Variants in CTNND2 observed in about 807,000 individuals in gnomAD.
CTNND2 encodes the protein catenin delta-2.
A neutral mutation model predicts 144.4 loss-of-function variants in CTNND2; 22 were observed. The observed-to-expected ratio is 0.15, with a 90% CI of 0.11 to 0.22. The LOEUF (loss-of-function observed/expected upper bound fraction) is 0.22. Among genes scored for constraint, CTNND2 ranks in the 10% least tolerant of loss-of-function variants. The pLI is 1.00. For missense variants in CTNND2, 1,353 were observed against 1,618.8 expected (o/e 0.84, Z 2.82); for synonymous variants, 751 against 695.6 (o/e 1.08, Z -1.25).
intron 5 of CTNND2, among the ~76,000 whole-genome samples, chr5:11,401,677 A>C (rs992765211): frequency 6.6e-6 from 1 of 152,216 alleles, no homozygotes; most frequent in Non-Finnish European, 1.5e-5. Flanking sequence ...TTTTAATGAC[A>C]TCTAAGCGAG....
intron 10 of CTNND2, among the ~76,000 whole-genome samples, chr5:11,221,804 G>A (rs1035358763): frequency 3.3e-5 from 5 of 152,158 alleles, no homozygotes; most frequent in East Asian, 1.9e-4. Context: ...AGGCCTGAGC[G>A]TGCTGAGTCG....
intron 1 of CTNND2, among the ~76,000 whole-genome samples, chr5:11,847,646 G>A (rs185185778): frequency 3.0e-4 from 46 of 152,218 alleles, no homozygotes; most frequent in African/African-American, 9.9e-4. Flanking sequence ...TCACCATAAA[G>A]AAGTGATAAA....
intron 1 of CTNND2, among the ~76,000 whole-genome samples, chr5:11,761,617 C>T (rs1307344487): frequency 6.6e-6 from 1 of 151,922 alleles, no homozygotes; most frequent in Non-Finnish European, 1.5e-5. Flanking sequence ...AAATTTGTAT[C>T]ATAATATTTC....
intron 2 of CTNND2, chr5:11,588,693 T>C (rs1048695284): frequency 1.1e-6 from 1 of 924,472 alleles, no homozygotes; most frequent in Admixed American, 6.2e-5. Context: ...ATGAAAGCAT[T>C]GAAAAACCAA....
At chr5:11,495,327 G>T (rs1182932188) in intron 3 of CTNND2, among the ~76,000 whole-genome samples, 1 of 152,064 alleles carries the variant, frequency 6.6e-6, no homozygotes, top group Non-Finnish European at 1.5e-5. Context: ...CTCATCTTGA[G>T]GAATATTTAG....
At chr5:11,241,274 C>T (rs1742417898) in intron 9 of CTNND2, among the ~76,000 whole-genome samples, 1 of 152,214 alleles carries the variant, frequency 6.6e-6, no homozygotes, top group Admixed American at 6.5e-5. Flanking sequence ...CCAGTGGCTT[C>T]CCACTGCACT....
chr5:11,848,700 C>T (rs1026603099), intron 1 of CTNND2, among the ~76,000 whole-genome samples: 7 of 152,168 alleles, frequency 4.6e-5, no homozygotes, highest in African/African-American at 1.2e-4. Flanking sequence ...CAGAGCTTCT[C>T]GTAGAGAGCT....
chr5:11,490,575 A>C (rs1769292728), intron 3 of CTNND2, among the ~76,000 whole-genome samples: 1 of 152,290 alleles, frequency 6.6e-6, no homozygotes, highest in East Asian at 1.9e-4. Context: ...GCCTGACTAC[A>C]AATGTTGGCC....
intron 9 of CTNND2, among the ~76,000 whole-genome samples, chr5:11,304,067 C>T (rs1044995675): frequency 6.6e-6 from 1 of 152,150 alleles, no homozygotes; most frequent in African/African-American, 2.4e-5. Context: ...GCCTCCCCAG[C>T]CACGTGGAAC....
chr5:11,638,510 T>G (rs971329729), intron 2 of CTNND2, among the ~76,000 whole-genome samples: 9 of 152,178 alleles, frequency 5.9e-5, no homozygotes, highest in Admixed American at 4.6e-4. Context: ...AAATTCCCCT[T>G]AAATTAAAAA....
Position 11,159,740 on chromosome 5 carries a change from G to A in CTNND2, c.1995C>T (p.Ser665=). The change falls in exon 12 of 22, where the codon TCC becomes TCT. Residue 665 remains serine, a synonymous_variant. Transcript: ENST00000304623. The part of the protein sequence containing the change: ...ELVTGVLWNL[S]SCDALKMPII... ...TTGGCATTTTGAGTGCATCGCATGAGGAGAGGTTCCAAAGGACTCCTGCAA... is the reference window on the plus strand; with the variant it reads ...TTGGCATTTTGAGTGCATCGCATGAAGAGAGGTTCCAAAGGACTCCTGCAA... 6.2e-7 allele frequency: 1 copy of A among 1,602,680 alleles called. No homozygotes were observed. Among genetic ancestry groups the A allele is most frequent in the Non-Finnish European group, 8.5e-7 (1 of 1,174,090 alleles).
At chr5:11,216,754 C>T (rs945012634) in intron 10 of CTNND2, among the ~76,000 whole-genome samples, 2 of 152,228 alleles carry the variant, frequency 1.3e-5, no homozygotes, top group African/African-American at 4.8e-5. Context: ...GTTATGTGCT[C>T]ATGAGGAGCA....
intron 1 of CTNND2, among the ~76,000 whole-genome samples, chr5:11,866,115 C>A (rs1218492131): frequency 2.0e-5 from 3 of 152,006 alleles, no homozygotes; most frequent in East Asian, 3.9e-4. Context: ...CCAGCCTGGG[C>A]AACATAGAAA....
intron 3 of CTNND2, among the ~76,000 whole-genome samples, chr5:11,539,264 A>G (rs954346924): frequency 1.3e-5 from 2 of 152,102 alleles, no homozygotes; most frequent in Non-Finnish European, 2.9e-5. Context: ...ATACCTCCAC[A>G]TCTGAATTCC....
intron 8 of CTNND2, among the ~76,000 whole-genome samples, chr5:11,353,197 T>C (rs1755507402): frequency 6.6e-6 from 1 of 151,952 alleles, no homozygotes; most frequent in Non-Finnish European, 1.5e-5. Flanking sequence ...TCACATGATC[T>C]CATTTAATGC....
At chr5:11,287,999 TG>T (rs1434028239) in intron 9 of CTNND2, among the ~76,000 whole-genome samples, 1 of 152,244 alleles carries the variant, frequency 6.6e-6, no homozygotes, top group African/African-American at 2.4e-5. Flanking sequence ...TAATTTACAA[TG>T]TGTTTTTCTA....
chr5:11,182,233 T>C (rs1309768229), intron 11 of CTNND2, among the ~76,000 whole-genome samples: 1 of 151,164 alleles, frequency 6.6e-6, no homozygotes, highest in Non-Finnish European at 1.5e-5. Context: ...GTGTGGTATA[T>C]GTGTGTGGTG....
intron 2 of CTNND2, among the ~76,000 whole-genome samples, chr5:11,723,982 G>A (rs1016918463): frequency 6.6e-6 from 1 of 151,916 alleles, no homozygotes; most frequent in Non-Finnish European, 1.5e-5. Context: ...GTGAACCCGG[G>A]AGGCGGACCT....
At chr5:11,883,334 G>A (rs905084891) in intron 1 of CTNND2, among the ~76,000 whole-genome samples, 3 of 151,804 alleles carry the variant, frequency 2.0e-5, no homozygotes, top group Admixed American at 6.6e-5. Context: ...CTCCCCTACC[G>A]CCCCACACCC....
Sources: gnomAD v4.1 joint callset for allele counts (sites outside exome capture counted in the v4.1 genomes callset) on GRCh38, gnomAD v4.1.1 for gene constraint, MANE v1.5 for transcripts, NCBI Gene and HGNC (gene_info 2026-07-23, HGNC 2026-07-21) for gene names.